The following NAA16 variants were observed in gnomAD, a reference collection of about 807,000 sequenced individuals.
NAA16 encodes N-alpha-acetyltransferase 16, NatA auxiliary subunit.
Under a neutral mutation model 110.3 loss-of-function variants are expected in NAA16, and 97 were observed. The observed-to-expected ratio is 0.88, with a 90% CI of 0.75 to 1.04. The LOEUF (loss-of-function observed/expected upper bound fraction) is 1.04, where lower values mean the gene tolerates loss of function less well. NAA16 is among the 50% of genes least tolerant of loss of function. NAA16 has a pLI of 0.00. For synonymous variants in NAA16, 372 were observed against 330.6 expected, an observed-to-expected ratio of 1.13 and a Z score of -1.36; for missense variants, 1,017 against 1,005.1, an observed-to-expected ratio of 1.01 and a Z score of -0.16.
intron 6 of NAA16, among the ~76,000 whole-genome samples, chr13:41,326,696 C>T (rs1172720452): frequency 6.6e-6 from 1 of 152,144 alleles, no homozygotes; most frequent in African/African-American, 2.4e-5. Context: ...CATTCCCTGA[C>T]TTCAGAGCCC....
intron 1 of NAA16, among the ~76,000 whole-genome samples, chr13:41,315,805 C>G (rs983429890): frequency 1.3e-5 from 2 of 152,046 alleles, no homozygotes; most frequent in African/African-American, 2.4e-5. Context: ...GTGTCTTGCT[C>G]TACTGCCCAG....
intron 5 of NAA16, among the ~76,000 whole-genome samples, chr13:41,325,182 T>C (rs1362872054): frequency 6.6e-6 from 1 of 151,960 alleles, no homozygotes; most frequent in Non-Finnish European, 1.5e-5. Context: ...TTTGAATTCC[T>C]GACCTCAGGT....
In NAA16 at chr13:41,362,093, C is replaced by T. The variant is rs2043123270; in HGVS notation, c.1473C>T (p.Cys491=). 9.3e-6 allele frequency: 15 copies of T among 1,609,922 alleles called. No individual in the cohort carries two copies. Among genetic ancestry groups the T allele is most frequent in the African/African-American group, 1.3e-5 (1 of 74,750 alleles). ...EMQCMWFQTE[C]ISAYQRLGRY... is the part of the protein sequence containing the mutation. ...AGTGTATGTGGTTTCAGACAGAATG[C>T]ATTTCAGCTTATCAGCGTCTGGGGA... The change falls in exon 13 of 20, where the codon TGC becomes TGT. Residue 491 remains cysteine (C), a synonymous_variant. Transcript: ENST00000379406.
chr13:41,373,330 T>C (rs2043359989), intron 17 of NAA16: 1 of 426,520 alleles, frequency 2.3e-6, no homozygotes, highest in Non-Finnish European at 3.1e-6. Context: ...CGATCTTGGC[T>C]CACTGCAACC....
intron 4 of NAA16, among the ~76,000 whole-genome samples, chr13:41,322,415 T>C (rs2041971181): frequency 2.6e-5 from 4 of 152,152 alleles, no homozygotes; most frequent in African/African-American, 9.7e-5. Context: ...AGTGGGCCTC[T>C]GAATGGGGTG....
At chr13:41,358,203 A>G in intron 10 of NAA16, 101 bp from the exon 11 acceptor site, 1 of 1,011,052 alleles carries the variant, frequency 9.9e-7, no homozygotes, top group Non-Finnish European at 1.4e-6. Context: ...TTTCTTGCTT[A>G]TTATTATTGC....
At chr13:41,356,157 G>T (rs554036263) in intron 10 of NAA16, among the ~76,000 whole-genome samples, 2 of 150,202 alleles carry the variant, frequency 1.3e-5, no homozygotes, top group African/African-American at 5.0e-5. Context: ...TTTTGTGTGC[G>T]TGTGTGTGTG....
At chr13:41,331,169 T>G in intron 7 of NAA16, 105 bp from the exon 8 acceptor site, 1 of 654,068 alleles carries the variant, frequency 1.5e-6, no homozygotes, top group Non-Finnish European at 2.6e-6. Context: ...GCTTTAATAT[T>G]GTTAATGCAG....
chr13:41,340,906 A>G (rs961803658), intron 9 of NAA16, among the ~76,000 whole-genome samples: 1 of 151,846 alleles, frequency 6.6e-6, no homozygotes, highest in African/African-American at 2.4e-5. Flanking sequence ...TGACCTCGTG[A>G]TACACCCGCC....
At chr13:41,341,402 T>A (rs1182027313) in intron 9 of NAA16, among the ~76,000 whole-genome samples, 1 of 152,234 alleles carries the variant, frequency 6.6e-6, no homozygotes, top group Non-Finnish European at 1.5e-5. Flanking sequence ...ACTGTTTTCT[T>A]CTTACAAGTG....
At chr13:41,374,892 G>A (rs1750332733) in intron 19 of NAA16, 53 bp downstream of exon 19, 8 of 1,084,292 alleles carry the variant, frequency 7.4e-6, no homozygotes, top group African/African-American at 3.2e-5. Flanking sequence ...CTAACAAAAC[G>A]TGTCTTTACA....
chr13:41,341,772 G>A (rs558391182), intron 9 of NAA16, among the ~76,000 whole-genome samples: 31 of 151,930 alleles, frequency 2.0e-4, no homozygotes, highest in African/African-American at 7.0e-4. Context: ...AGTACTTGAA[G>A]TGCACAGATG....
At chr13:41,314,729 G>T (rs9532783) in intron 1 of NAA16, among the ~76,000 whole-genome samples, 94,200 of 152,040 alleles carry the variant, frequency 0.62, 32,295 homozygotes, top group South Asian at 0.76. Context: ...AGTGGCTCAT[G>T]CCTGTAATCC....
chr13:41,318,324 G>A (rs139797098), intron 2 of NAA16, among the ~76,000 whole-genome samples: 170 of 152,104 alleles, frequency 1.1e-3, no homozygotes, highest in Non-Finnish European at 1.9e-3. Flanking sequence ...TCCTGCCTCA[G>A]CCTTCCAAGT....
intron 1 of NAA16, among the ~76,000 whole-genome samples, chr13:41,312,164 A>C (rs2041624676): frequency 6.6e-6 from 1 of 152,080 alleles, no homozygotes; most frequent in African/African-American, 2.4e-5. Flanking sequence ...TTTGTAATGT[A>C]CCTTATTTAC....
chr13:41,323,023 A>G (rs1379335123), intron 4 of NAA16, 33 bp from the exon 5 acceptor site: 1 of 1,595,612 alleles, frequency 6.3e-7, no homozygotes, highest in Non-Finnish European at 8.6e-7. Flanking sequence ...AATGTTTTAG[A>G]GAATATTTAG....
intron 6 of NAA16, 109 bp from the exon 7 acceptor site, chr13:41,328,615 A>G (rs2042153667): frequency 2.3e-6 from 2 of 886,298 alleles, no homozygotes; most frequent in Admixed American, 2.5e-5. Flanking sequence ...GGAAGCATAC[A>G]GAGTTCTGTC....
chr13:41,318,333 G>A (rs2139371088), intron 2 of NAA16, among the ~76,000 whole-genome samples: 1 of 152,136 alleles, frequency 6.6e-6, no homozygotes, highest in Non-Finnish European at 1.5e-5. Context: ...AGCCTTCCAA[G>A]TAGCTGGGAT....
Position 41,372,330 on chromosome 13 carries a change from TCA to T in NAA16, c.2056+20_2056+21del, listed in dbSNP as rs1734196405. 2 of 1,557,012 alleles carry T rather than the reference TCA, an allele frequency of 1.3e-6. No homozygotes were observed. The highest frequency in any genetic ancestry group is 1.7e-6 in the Non-Finnish European group (2 of 1,155,536). On this transcript the variant is annotated intron_variant, in intron 16 of 19. Coordinates refer to ENST00000379406, the MANE Select transcript of NAA16 (RefSeq NM_024561.5). ...AGAAAAGGTAATAAATAGTTTGAGT[TCA>T]GTTTTTAATCTTTAATTATATTTGT...
Sources: allele counts gnomAD v4.1 joint callset (sites outside exome capture counted in the v4.1 genomes callset), GRCh38; gene constraint gnomAD v4.1.1; transcripts MANE v1.5; gene names NCBI Gene and HGNC (gene_info 2026-07-23, HGNC 2026-07-21).